Variants in NCOR2 observed in about 807,000 individuals in gnomAD.
The protein encoded by NCOR2 is CTG repeat protein 26.
NCOR2 carries 81 observed loss-of-function variants against 262.9 expected under a neutral mutation model. That is an observed-to-expected ratio of 0.31 (90% CI 0.26 to 0.37). The LOEUF (loss-of-function observed/expected upper bound fraction) is 0.37. Ranked by LOEUF, NCOR2 falls within the 10% of genes least tolerant of loss-of-function variation. The probability of loss-of-function intolerance (pLI) is 1.00; values close to 1 mark genes in which losing one functional copy is unlikely to be tolerated. For synonymous variants in NCOR2, 1,659 were observed against 1,559.3 expected, an observed-to-expected ratio of 1.06 and a Z score of -1.51; for missense variants, 3,385 against 3,621.4, an observed-to-expected ratio of 0.93 and a Z score of 1.68.
chr12:124,552,599 A>G (rs1374684187), intron 1 of NCOR2, among the ~76,000 whole-genome samples: 1 of 152,190 alleles, frequency 6.6e-6, no homozygotes, highest in Non-Finnish European at 1.5e-5. Context: ...CAGGGAAATC[A>G]CAGGCTCTGT....
At chr12:124,435,636 GC>G (rs2044293960) in intron 8 of NCOR2, among the ~76,000 whole-genome samples, 1 of 152,118 alleles carries the variant, frequency 6.6e-6, no homozygotes, top group South Asian at 2.1e-4. Context: ...CCCCAGCTAA[GC>G]CCCTCACCTG....
chr12:124,385,860 G>A (rs755140842), exon 17 of NCOR2: 34 of 1,613,552 alleles, frequency 2.1e-5, no homozygotes, highest in South Asian at 3.3e-5. Flanking sequence ...GGCGATGGCC[G>A]ACCAGTTGCG....
At chr12:124,339,963 C>T (rs1271680256) in intron 37 of NCOR2, 43 bp downstream of exon 39, 11 of 1,604,224 alleles carry the variant, frequency 6.9e-6, no homozygotes, top group Non-Finnish European at 9.3e-6. Flanking sequence ...TACTGACCAC[C>T]CATCCACCTG....
Position 124,503,789 on chromosome 12 carries a change from T to G in NCOR2, c.-117-8421A>C, listed in dbSNP as rs915827628. 6.6e-6 allele frequency among the ~76,000 whole-genome samples: 1 copy of G among 152,108 alleles called. No homozygotes were observed. The highest frequency in any genetic ancestry group is 1.9e-4 in the East Asian group (1 of 5,192). ...ATGGATGGATGGATGGGCGGATGGA[T>G]GCACACACTCATCACCAGATGGGTA... On this transcript the variant is annotated intron_variant, in intron 1 of 46. Coordinates refer to the NCOR2 transcript ENST00000404621. This position sits in a 1 kb window ranked among gnomAD's most constrained non-coding sequence, Gnocchi z 4.3.
At chr12:124,383,335 A>T (rs747385477) in intron 17 of NCOR2, 6 of 208,592 alleles carry the variant, frequency 2.9e-5, no homozygotes, top group Non-Finnish European at 4.7e-5. Flanking sequence ...CCCAACCCAT[A>T]GCACACTGTG....
rs753580805 is a variant in NCOR2, at chr12:124,429,690, C to T, written c.1072G>A (p.Gly358Ser). 4 of 1,605,938 alleles carry T rather than the reference C, an allele frequency of 2.5e-6. No individual in the cohort carries two copies. The East Asian group carries it at 9.0e-5, about 36-fold the overall frequency. The change falls in exon 10 of 47, where the codon GGC becomes AGC. Residue 358 changes from glycine to serine, a missense_variant. Transcript: ENST00000405201. ...GCGGCCGACATGGACAGCCCACTGC[C>T]CCGCTGGCCCACCCTGCTGGGGACC... is the stretch of plus-strand genomic sequence containing the variant.
In NCOR2 at chr12:124,503,024, C is replaced by T. The variant is rs563906740; in HGVS notation, c.-117-7656G>A. 2.0e-5 allele frequency among the ~76,000 whole-genome samples: 3 copies of T among 152,338 alleles called. No individual in the cohort carries two copies. The highest frequency in any genetic ancestry group is 3.9e-4 in the East Asian group (2 of 5,182). On this transcript the variant is annotated intron_variant, in intron 1 of 46. Transcript: ENST00000404621. This position sits in a 1 kb window ranked among gnomAD's most constrained non-coding sequence, Gnocchi z 4.3. ...AGCCAGGTACCCAACCCCAGCCTGT[C>T]GTTGGCTCTGCCGGAGGGGCTGAGG... is the stretch of plus-strand genomic sequence containing the variant.
intron 5 of NCOR2, among the ~76,000 whole-genome samples, chr12:124,465,291 G>T (rs1388402287): frequency 6.6e-6 from 1 of 152,006 alleles, no homozygotes; most frequent in South Asian, 2.1e-4. Context: ...TAAGGGAGGG[G>T]ATCAACATCC....
chr12:124,557,815 G>C (rs1414511571), intron 1 of NCOR2, among the ~76,000 whole-genome samples: 1 of 152,140 alleles, frequency 6.6e-6, no homozygotes, highest in Non-Finnish European at 1.5e-5. Flanking sequence ...GCATCACCCA[G>C]GAGCCACCGC....
intron 13 of NCOR2, among the ~76,000 whole-genome samples, chr12:124,418,991 C>T (rs1474187214): frequency 6.6e-6 from 1 of 152,148 alleles, no homozygotes; most frequent in Non-Finnish European, 1.5e-5. Flanking sequence ...AATGCCTCGA[C>T]CGACTCCAAT....
At chr12:124,451,877 C>T (rs746045726) in intron 6 of NCOR2, among the ~76,000 whole-genome samples, 63 of 149,808 alleles carry the variant, frequency 4.2e-4, no homozygotes, top group Non-Finnish European at 6.7e-4. Context: ...GCCTCTGCAG[C>T]TCTACAGAGC....
intron 1 of NCOR2, among the ~76,000 whole-genome samples, chr12:124,532,670 C>T (rs2050872348): frequency 6.6e-6 from 1 of 152,228 alleles, no homozygotes; most frequent in Non-Finnish European, 1.5e-5. Flanking sequence ...GCAGATAACT[C>T]AGCCACAGGA....
At chr12:124,371,213 C>A (rs1246197452) in intron 20 of NCOR2, among the ~76,000 whole-genome samples, 22 of 136,134 alleles carry the variant, frequency 1.6e-4, no homozygotes, top group Non-Finnish European at 2.7e-4. Context: ...GTGAGAGCTG[C>A]CCCCCGTCCT....
exon 20 of NCOR2, chr12:124,372,311 C>T (rs1200678956): frequency 6.5e-7 from 1 of 1,529,684 alleles, no homozygotes; most frequent in Non-Finnish European, 8.8e-7. Flanking sequence ...TGCTCCTCCC[C>T]CTCCTCCACT....
At chr12:124,505,772 G>A (rs1192574932) in intron 1 of NCOR2, among the ~76,000 whole-genome samples, 1 of 152,176 alleles carries the variant, frequency 6.6e-6, no homozygotes, top group Non-Finnish European at 1.5e-5. Flanking sequence ...ACCACTCGGG[G>A]GAAGGAGGGA....
At chr12:124,565,148 A>G (rs1344046290) in intron 1 of NCOR2, among the ~76,000 whole-genome samples, 1 of 152,148 alleles carries the variant, frequency 6.6e-6, no homozygotes, top group Admixed American at 6.5e-5. Flanking sequence ...CCAGGGCCTG[A>G]CAGCCACATT....
At chr12:124,524,490 C>T (rs1479789730) in intron 1 of NCOR2, among the ~76,000 whole-genome samples, 9 of 152,178 alleles carry the variant, frequency 5.9e-5, no homozygotes, top group Non-Finnish European at 2.9e-5. Flanking sequence ...GCTGGCTGGG[C>T]TGGGCTGGTG....
At position 124,389,607 on chromosome 12, in the gene NCOR2, C is replaced by A. The variant is rs939048495; in HGVS notation, c.1877-3720G>T. 5.3e-5 allele frequency among the ~76,000 whole-genome samples: 8 copies of A among 152,204 alleles called. No individual in the cohort carries two copies. Among genetic ancestry groups the A allele is most frequent in the African/African-American group, 1.9e-4 (8 of 41,442 alleles). The stretch of plus-strand genomic sequence containing the variant: ...TGTCAGTTCCACCTGAGCTCTGCCC[C>A]CTGCCTGGCCTGATGCTGCCGAGGC... On this transcript the variant is annotated intron_variant, in intron 16 of 46. Coordinates refer to ENST00000405201, the Ensembl canonical transcript of NCOR2. The surrounding 1 kb of genome is among the most constrained non-coding windows in gnomAD (Gnocchi z 4.4).
intron 13 of NCOR2, among the ~76,000 whole-genome samples, chr12:124,409,750 T>C (rs2042464804): frequency 6.6e-6 from 1 of 152,072 alleles, no homozygotes; most frequent in Non-Finnish European, 1.5e-5. Flanking sequence ...TGATCACGGC[T>C]CACTGCAGCC....
Sources: allele counts gnomAD v4.1 joint callset (sites outside exome capture counted in the v4.1 genomes callset), GRCh38; gene constraint gnomAD v4.1.1; non-coding constraint Gnocchi (gnomAD v3.1); transcripts MANE v1.5; gene names NCBI Gene and HGNC (gene_info 2026-07-23, HGNC 2026-07-21).